The following MFSD6 variants were observed in gnomAD, a reference collection of about 807,000 sequenced individuals.
MFSD6 encodes the protein major facilitator superfamily domain-containing protein 6.
Under a neutral mutation model 56.3 loss-of-function variants are expected in MFSD6, and 26 were observed. The ratio of observed to expected loss-of-function variants is 0.46; its 90% CI spans 0.34 to 0.64. The LOEUF (loss-of-function observed/expected upper bound fraction) is 0.64. Among genes scored for constraint, MFSD6 ranks in the 30% least tolerant of loss-of-function variants. The pLI is 0.01. For missense variants in MFSD6, 750 were observed against 986.2 expected, an observed-to-expected ratio of 0.76 and a Z score of 3.21; for synonymous variants, 331 against 366.9, an observed-to-expected ratio of 0.90 and a Z score of 1.12.
chr2:190,464,950 A>T (rs899814070), intron 3 of MFSD6: 5 of 976,884 alleles, frequency 5.1e-6, no homozygotes, highest in Non-Finnish European at 6.1e-6. Context: ...ATAGTTGGTT[A>T]AATTTAGAAA....
chr2:190,411,577 T>C, intron 1 of MFSD6: 2 of 980,424 alleles, frequency 2.0e-6, no homozygotes, highest in Non-Finnish European at 2.4e-6. Context: ...TGTGTTCTCT[T>C]ATTATATAAA....
intron 3 of MFSD6, chr2:190,442,969 A>T (rs1686437606): frequency 6.6e-6 from 1 of 152,190 alleles, no homozygotes; most frequent in Admixed American, 6.5e-5. Flanking sequence ...CAAGTTTCTG[A>T]TTTATTGAAA....
In MFSD6 at chr2:190,497,195, A is replaced by G. The variant is rs186109634; in HGVS notation, c.1892-244A>G. Among the ~76,000 whole-genome samples the G allele has an allele frequency of 4.6e-5, 7 of 152,292 alleles. No homozygotes were observed. Among genetic ancestry groups the G allele is most frequent in the Admixed American group, 1.3e-4 (2 of 15,298 alleles). The stretch of plus-strand genomic sequence containing the variant: ...TGATGTTCTAAGTTAAATGAAAAAT[A>G]TATTTCTTAAATATATATGCTAATG... On this transcript the variant is annotated intron_variant, in intron 6 of 7. Coordinates refer to ENST00000392328, the MANE Select transcript of MFSD6 (RefSeq NM_017694.4). The surrounding 1 kb of genome is among the most constrained non-coding windows in gnomAD (Gnocchi z 5.2).
At chr2:190,422,300 GC>G (rs1685646045) in intron 2 of MFSD6, among the ~76,000 whole-genome samples, 2 of 152,102 alleles carry the variant, frequency 1.3e-5, no homozygotes, top group Non-Finnish European at 2.9e-5. Context: ...TAGACTGGTT[GC>G]CCTTCAAAGT....
Position 190,455,053 on chromosome 2 carries a change from T to C in MFSD6, c.1533-14705T>C, listed in dbSNP as rs1007729049. On this transcript the variant is annotated intron_variant, in intron 3 of 7. Coordinates refer to ENST00000392328, the MANE Select transcript of MFSD6 (RefSeq NM_017694.4). ...GGTAAGCAGATCCACCATGCAAGCC[T>C]GGAAAGGAACAGATTTGCTTTTTGC... 4.0e-5 allele frequency among the ~76,000 whole-genome samples: 6 copies of C among 151,696 alleles called. No individual in the cohort carries two copies. The East Asian group carries it at 1.2e-3, about 29-fold the overall frequency.
chr2:190,435,486 G>A (rs1686146845), intron 2 of MFSD6, among the ~76,000 whole-genome samples: 1 of 152,104 alleles, frequency 6.6e-6, no homozygotes, highest in African/African-American at 2.4e-5. Flanking sequence ...CAATGCCATC[G>A]GCTTCCTCTT....
chr2:190,436,074 A>G lies in MFSD6; in HGVS notation c.45A>G (p.Glu15=), dbSNP rs763913065. The G allele has an allele frequency of 6.2e-7, 1 of 1,614,014 alleles. No homozygotes were observed. Among genetic ancestry groups the G allele is most frequent in the Admixed American group, 1.7e-5 (1 of 60,008 alleles). Residue 15 remains glutamate (E), a synonymous_variant, in exon 3 of 8, where the codon GAA becomes GAG. Coordinates refer to ENST00000392328, the MANE Select transcript of MFSD6 (RefSeq NM_017694.4). This position sits in a 1 kb window ranked among gnomAD's most constrained non-coding sequence, Gnocchi z 5.3. ...CTATCTTAACGGATGATGAAGAGGAACAGAAGAGAAAGTATGTGCTTGCAG... is the reference window on the plus strand; with the variant it reads ...CTATCTTAACGGATGATGAAGAGGAGCAGAAGAGAAAGTATGTGCTTGCAG... ...KVAILTDDEE[E]QKRKYVLADP...
At chr2:190,477,410 T>A (rs975273863) in intron 4 of MFSD6, 1 of 940,648 alleles carries the variant, frequency 1.1e-6, no homozygotes, top group African/African-American at 1.8e-5. Context: ...TGACTATATA[T>A]TATAATAATA....
intron 1 of MFSD6, among the ~76,000 whole-genome samples, chr2:190,409,759 A>G (rs906552496): frequency 6.6e-6 from 1 of 152,198 alleles, no homozygotes; most frequent in East Asian, 1.9e-4. Context: ...AGCCTTGTTA[A>G]GTAAAAGGAT....
At chr2:190,422,664 G>T (rs937444843) in intron 2 of MFSD6, among the ~76,000 whole-genome samples, 1 of 152,180 alleles carries the variant, frequency 6.6e-6, no homozygotes, top group Non-Finnish European at 1.5e-5. Flanking sequence ...CTGAAACGAT[G>T]ATGTGCTTTG....
Position 190,413,184 on chromosome 2 carries a change from C to G in MFSD6, c.-175-2108C>G, listed in dbSNP as rs142272832. 3.8e-3 allele frequency among the ~76,000 whole-genome samples: 577 copies of G among 152,150 alleles called. 2 individuals carry two copies. Among genetic ancestry groups the G allele is most frequent in the African/African-American group, 0.013 (520 of 41,508 alleles). ...TGCCTTGATCCATTATGATGTAAAT[C>G]TAGCTGAGCCACGTGTTGATGATTA... On this transcript the variant is annotated intron_variant, in intron 1 of 7. Coordinates refer to ENST00000392328, the MANE Select transcript of MFSD6 (RefSeq NM_017694.4). This position sits in a 1 kb window ranked among gnomAD's most constrained non-coding sequence, Gnocchi z 4.1.
At chr2:190,481,912 A>G (rs1237903162) in intron 4 of MFSD6, among the ~76,000 whole-genome samples, 1 of 152,060 alleles carries the variant, frequency 6.6e-6, no homozygotes, top group Non-Finnish European at 1.5e-5. Context: ...AGTAGCCCCA[A>G]CTCTGACAGA....
At chr2:190,411,519 C>A in intron 1 of MFSD6, 1 of 985,292 alleles carries the variant, frequency 1.0e-6, no homozygotes. Flanking sequence ...TTGCTTTTTA[C>A]CTTATAAAGT....
chr2:190,489,672 C>T lies in MFSD6; in HGVS notation c.1793-96C>T. 1 of 1,156,398 alleles carries T rather than the reference C, an allele frequency of 8.6e-7. No individual in the cohort carries two copies. Among genetic ancestry groups the T allele is most frequent in the Non-Finnish European group, 1.2e-6 (1 of 815,502 alleles). 71.6% of individuals were successfully genotyped at this position (1,156,398 alleles called of 1,614,324 possible). A position where few individuals can be genotyped will look rare whatever the true frequency, so the allele number is the denominator to read the frequency against. On this transcript the variant is annotated intron_variant, in intron 5 of 7. Transcript: ENST00000392328. The surrounding 1 kb of genome is among the most constrained non-coding windows in gnomAD (Gnocchi z 6.6). ...TTTCTCTGGTTTGTCTCAAGCTGTGCTTCCTTTGCTTTGATCTTTAGAAAA... is the reference window on the plus strand; with the variant it reads ...TTTCTCTGGTTTGTCTCAAGCTGTGTTTCCTTTGCTTTGATCTTTAGAAAA...
chr2:190,465,022 T>C lies in MFSD6; in HGVS notation c.1533-4736T>C, dbSNP rs1373156471. On this transcript the variant is annotated intron_variant, in intron 3 of 7. Coordinates refer to ENST00000392328, the MANE Select transcript of MFSD6 (RefSeq NM_017694.4). This position sits in a 1 kb window ranked among gnomAD's most constrained non-coding sequence, Gnocchi z 4.6. ...ACAGAATGACTCATAATTCATTGTA[T>C]CTATATCTTGAACACTCTTGAAAAA... The C allele has an allele frequency of 1.7e-6, 1 of 602,926 alleles. No individual in the cohort carries two copies. Among genetic ancestry groups the C allele is most frequent in the East Asian group, 1.4e-4 (1 of 7,184 alleles). The allele number at this position is 602,926 out of a possible 1,614,324, so 37.3% of individuals were successfully genotyped here. A position where few individuals can be genotyped will look rare whatever the true frequency, so the allele number is the denominator to read the frequency against.
At chr2:190,419,703 T>G (rs950195903) in intron 2 of MFSD6, among the ~76,000 whole-genome samples, 1 of 152,258 alleles carries the variant, frequency 6.6e-6, no homozygotes, top group Non-Finnish European at 1.5e-5. Flanking sequence ...AATATATGTT[T>G]GAACAGTTTT....
chr2:190,411,788 A>G, intron 1 of MFSD6: 1 of 985,402 alleles, frequency 1.0e-6, no homozygotes, highest in Non-Finnish European at 1.2e-6. Flanking sequence ...TCTAATAGTA[A>G]CTGTAGCATA....
rs1170164850 is a variant in MFSD6, at chr2:190,434,901, C to T, written c.-53-1076C>T. Among the ~76,000 whole-genome samples the T allele has an allele frequency of 1.3e-5, 2 of 152,200 alleles. No homozygotes were observed. Among genetic ancestry groups the T allele is most frequent in the Non-Finnish European group, 2.9e-5 (2 of 68,032 alleles). Reference sequence around the variant, plus strand: ...GCAAGAGCGGGCCAGCAAGCATTATCACATGAGCTCTTCCTCCTGTCAGAT... The same window carrying T: ...GCAAGAGCGGGCCAGCAAGCATTATTACATGAGCTCTTCCTCCTGTCAGAT... On this transcript the variant is annotated intron_variant, in intron 2 of 7. Coordinates refer to ENST00000392328, the MANE Select transcript of MFSD6 (RefSeq NM_017694.4). This position sits in a 1 kb window ranked among gnomAD's most constrained non-coding sequence, Gnocchi z 4.3.
rs1484666694 is a variant in MFSD6, at chr2:190,462,840, A to G, written c.1533-6918A>G. Among the ~76,000 whole-genome samples, 1 of 152,214 alleles carries G rather than the reference A, an allele frequency of 6.6e-6. No individual in the cohort carries two copies. Among genetic ancestry groups the G allele is most frequent in the East Asian group, 1.9e-4 (1 of 5,202 alleles). ...ACTTGGTCTGAACATGAGCTGTAGC[A>G]GCTCCTGCCTGTTGCTCAGGTCACT... On this transcript the variant is annotated intron_variant, in intron 3 of 7. Coordinates refer to ENST00000392328, the MANE Select transcript of MFSD6 (RefSeq NM_017694.4). This position sits in a 1 kb window ranked among gnomAD's most constrained non-coding sequence, Gnocchi z 5.7.
Sources: gnomAD v4.1 joint callset for allele counts (sites outside exome capture counted in the v4.1 genomes callset) on GRCh38, gnomAD v4.1.1 for gene constraint, Gnocchi (gnomAD v3.1) non-coding constraint, MANE v1.5 for transcripts, NCBI Gene and HGNC (gene_info 2026-07-23, HGNC 2026-07-21) for gene names.